The following PLEKHG7 variants were observed in gnomAD, a reference collection of about 807,000 sequenced individuals.
PLEKHG7 encodes pleckstrin homology and RhoGEF domain containing G7, also known as pleckstrin homology domain-containing family G member 7.
In PLEKHG7, 77 loss-of-function variants were observed where a neutral mutation model predicts 85.2. The observed-to-expected ratio is 0.90, with a 90% CI of 0.75 to 1.09. The LOEUF is 1.09. PLEKHG7 is among the 50% of genes least tolerant of loss of function. The pLI is 0.00. For synonymous variants in PLEKHG7, 301 were observed against 302.4 expected, an observed-to-expected ratio of 1.00 and a Z score of 0.05; for missense variants, 777 against 804.3, an observed-to-expected ratio of 0.97 and a Z score of 0.41.
intron 13 of PLEKHG7, among the ~76,000 whole-genome samples, chr12:92,758,048 A>G (rs1872885136): frequency 6.6e-6 from 1 of 152,238 alleles, no homozygotes; most frequent in South Asian, 2.1e-4. Context: ...TGAAAACATA[A>G]CAATTTTAAC....
chr12:92,743,419 T>A (rs527637690), intron 9 of PLEKHG7, among the ~76,000 whole-genome samples: 81 of 152,200 alleles, frequency 5.3e-4, no homozygotes, highest in Non-Finnish European at 9.8e-4. Flanking sequence ...GATAGGGACG[T>A]CTTGTTATTC....
chr12:92,739,435 G>A (rs1872281093), intron 7 of PLEKHG7, among the ~76,000 whole-genome samples: 1 of 152,156 alleles, frequency 6.6e-6, no homozygotes, highest in African/African-American at 2.4e-5. Flanking sequence ...GCAGGGGGTG[G>A]TAACAATAAA....
intron 15 of PLEKHG7, among the ~76,000 whole-genome samples, chr12:92,765,304 TAGTG>T (rs1178417356): frequency 1.5e-5 from 2 of 135,378 alleles, no homozygotes; most frequent in African/African-American, 2.8e-5. Flanking sequence ...CTGGGCAACA[TAGTG>T]AGACCCAGTC....
At chr12:92,707,857 G>T in intron 3 of PLEKHG7, 185 bp downstream of exon 3, 1 of 961,418 alleles carries the variant, frequency 1.0e-6, no homozygotes. Context: ...CTCCCTTTAA[G>T]AGCACAGCAT....
In PLEKHG7 at chr12:92,745,648, T is replaced by G. The variant is rs768946574; in HGVS notation, c.1251+57T>G. The G allele has an allele frequency of 6.6e-5, 74 of 1,128,412 alleles. 1 individual carries two copies. Among genetic ancestry groups the G allele is most frequent in the Non-Finnish European group, 9.6e-5 (71 of 742,666 alleles). 69.9% of individuals were successfully genotyped at this position (1,128,412 alleles called of 1,614,324 possible). A position where few individuals can be genotyped will look rare whatever the true frequency, so the allele number is the denominator to read the frequency against. ...TTGCTGATGCTTTTTGGGTGTCACA[T>G]GTACTGGGAATGATTATATCTAAAT... On this transcript the variant is annotated intron_variant, in intron 10 of 16. Coordinates refer to ENST00000344636, the MANE Select transcript of PLEKHG7 (RefSeq NM_001377329.1).
At chr12:92,738,243 A>AT (rs1034699716) in intron 7 of PLEKHG7, among the ~76,000 whole-genome samples, 11 of 152,124 alleles carry the variant, frequency 7.2e-5, no homozygotes, top group African/African-American at 2.7e-4. Context: ...AGAACACAGA[A>AT]TTTTTTCTAG....
At chr12:92,741,012 G>C in intron 8 of PLEKHG7, 64 bp downstream of exon 8, 1 of 1,215,698 alleles carries the variant, frequency 8.2e-7, no homozygotes. Context: ...TTCATGCTTG[G>C]TCTGTTCTTA....
chr12:92,723,777 AC>A (rs1871712729), intron 3 of PLEKHG7, among the ~76,000 whole-genome samples: 1 of 152,178 alleles, frequency 6.6e-6, no homozygotes, highest in South Asian at 2.1e-4. Flanking sequence ...GAAGCATGGA[AC>A]AGAAACACAG....
At chr12:92,769,672 A>G (rs1873342879) in intron 16 of PLEKHG7, among the ~76,000 whole-genome samples, 1 of 152,206 alleles carries the variant, frequency 6.6e-6, no homozygotes, top group Admixed American at 6.5e-5. Context: ...CAGACAACAA[A>G]TGCAATATTC....
Position 92,737,438 on chromosome 12 carries a change from C to CGA in PLEKHG7, c.856_857insGA (p.Leu286ArgfsTer2). ...CAAACTCCCGACCGATCAATTAGAC[C>CGA]TGAAAAAGCAGCAAGAGGCCGTGTG... is the stretch of plus-strand genomic sequence containing the variant. On this transcript the variant is annotated frameshift_variant, in exon 7 of 17. Transcript: ENST00000344636. LOFTEE classifies it high-confidence loss of function. The CGA allele has an allele frequency of 1.3e-6, 2 of 1,583,114 alleles. No homozygotes were observed. Among genetic ancestry groups the CGA allele is most frequent in the Non-Finnish European group, 1.7e-6 (2 of 1,171,146 alleles).
intron 3 of PLEKHG7, among the ~76,000 whole-genome samples, chr12:92,721,696 T>G (rs1410359755): frequency 8.5e-5 from 1 of 11,738 alleles, no homozygotes; most frequent in Non-Finnish European, 1.6e-4. Context: ...TAGCCAAGCA[T>G]AAAACCAAAA....
At position 92,729,020 on chromosome 12, in the gene PLEKHG7, G is replaced by T; in HGVS notation, c.558G>T (p.Val186=). 8.1e-7 allele frequency: 1 copy of T among 1,231,726 alleles called. No individual in the cohort carries two copies. The allele number at this position is 1,231,726 out of a possible 1,614,324, so 76.3% of individuals were successfully genotyped here. A position where few individuals can be genotyped will look rare whatever the true frequency, so the allele number is the denominator to read the frequency against. Residue 186 remains valine, a synonymous_variant, in exon 4 of 17, where the codon GTG becomes GTT. Transcript: ENST00000344636. ...SRFYEHRRSS[V]VLNLPGLEVF... Reference sequence around the variant, plus strand: ...TCTACGAGCACAGGCGGAGTTCTGTGGTGCTGAACTTACCTGGACTTGAGG... The same window carrying T: ...TCTACGAGCACAGGCGGAGTTCTGTTGTGCTGAACTTACCTGGACTTGAGG...
intron 3 of PLEKHG7, among the ~76,000 whole-genome samples, chr12:92,717,660 G>A (rs1419957460): frequency 2.0e-5 from 3 of 152,158 alleles, no homozygotes; most frequent in Non-Finnish European, 4.4e-5. Context: ...TTGTGTTACT[G>A]CTGCCTACAT....
At chr12:92,742,496 T>C (rs1331310887) in intron 9 of PLEKHG7, among the ~76,000 whole-genome samples, 1 of 151,984 alleles carries the variant, frequency 6.6e-6, no homozygotes, top group Non-Finnish European at 1.5e-5. Context: ...GAAGGAAGAG[T>C]TTTAACAAGG....
In PLEKHG7 at chr12:92,703,124, A is replaced by G. The variant is rs766010367; in HGVS notation, c.-170A>G. On this transcript the variant is annotated 5_prime_UTR_variant, in exon 1 of 17. Transcript: ENST00000344636. Reference sequence around the variant, plus strand: ...GTGCAGTTGCCTTCAGGGACAGACCATCTTACAGGTATTAAAGGCAACATT... The same window carrying G: ...GTGCAGTTGCCTTCAGGGACAGACCGTCTTACAGGTATTAAAGGCAACATT... 1 of 152,332 alleles carries G rather than the reference A, an allele frequency of 6.6e-6. No homozygotes were observed. Among genetic ancestry groups the G allele is most frequent in the Middle Eastern group, 3.4e-3 (1 of 294 alleles). 9.4% of individuals were successfully genotyped at this position (152,332 alleles called of 1,614,324 possible). A position where few individuals can be genotyped will look rare whatever the true frequency, so the allele number is the denominator to read the frequency against.
At chr12:92,718,372 A>G (rs929946771) in intron 3 of PLEKHG7, among the ~76,000 whole-genome samples, 1 of 152,212 alleles carries the variant, frequency 6.6e-6, no homozygotes, top group African/African-American at 2.4e-5. Flanking sequence ...ATTACTTTTA[A>G]TTGCGTCAAA....
At chr12:92,751,459 G>A (rs1345016317) in intron 10 of PLEKHG7, among the ~76,000 whole-genome samples, 2 of 152,168 alleles carry the variant, frequency 1.3e-5, no homozygotes, top group East Asian at 1.9e-4. Flanking sequence ...TCTGCCTACC[G>A]GGTTCAGGCA....
intron 11 of PLEKHG7, among the ~76,000 whole-genome samples, chr12:92,755,486 AT>A (rs140467843): frequency 2.8e-4 from 42 of 150,694 alleles, no homozygotes; most frequent in Admixed American, 1.1e-3. Context: ...TGTTAGTCTG[AT>A]TTTTTTTTTC....
chr12:92,743,496 T>C (rs1363340803), intron 9 of PLEKHG7, among the ~76,000 whole-genome samples: 1 of 151,472 alleles, frequency 6.6e-6, no homozygotes, highest in East Asian at 1.9e-4. Context: ...GCTAAGATCA[T>C]ATAGCCAATG....
Sources: allele counts gnomAD v4.1 joint callset (sites outside exome capture counted in the v4.1 genomes callset), GRCh38; gene constraint gnomAD v4.1.1; transcripts MANE v1.5; gene names NCBI Gene and HGNC (gene_info 2026-07-23, HGNC 2026-07-21).